RABGAP1: variants seen among roughly 807,000 people sequenced by gnomAD.
RABGAP1 encodes the protein RAB GTPase activating protein 1.
In RABGAP1, 23 loss-of-function variants were observed where a neutral mutation model predicts 137.6. That is an observed-to-expected ratio of 0.17 (90% confidence interval 0.12 to 0.24). RABGAP1 has a LOEUF of 0.24. RABGAP1 is among the 10% of genes least tolerant of loss of function. The pLI is 1.00. For missense variants in RABGAP1, 906 were observed against 1,275.8 expected (o/e 0.71, Z 4.42); for synonymous variants, 451 against 450.7 (o/e 1.00, Z -0.01).
At chr9:123,007,373 CTTTTTTTT>C (rs1298703088) in intron 10 of RABGAP1, among the ~76,000 whole-genome samples, 1 of 112,768 alleles carries the variant, frequency 8.9e-6, no homozygotes, top group Admixed American at 9.8e-5. Context: ...CTGAGCCTGG[CTTTTTTTT>C]TTTTTTTTTT....
chr9:122,996,162 T>C lies in RABGAP1; in HGVS notation c.1034+11T>C. 1 of 1,603,278 alleles carries C rather than the reference T, an allele frequency of 6.2e-7. No homozygotes were observed. The highest frequency in any genetic ancestry group is 8.5e-7 in the Non-Finnish European group (1 of 1,177,024). On this transcript the variant is annotated intron_variant, in intron 7 of 25. Coordinates refer to ENST00000373647, the MANE Select transcript of RABGAP1 (RefSeq NM_012197.4). ...ACTTGCCATTGAAAGGTAAGCATTTTTAGTAAGTTTAGCTTAAATATAAAT... is the reference window on the plus strand; with the variant it reads ...ACTTGCCATTGAAAGGTAAGCATTTCTAGTAAGTTTAGCTTAAATATAAAT...
intron 19 of RABGAP1, among the ~76,000 whole-genome samples, chr9:123,080,305 A>G (rs2034666347): frequency 6.6e-6 from 1 of 152,166 alleles, no homozygotes; most frequent in Non-Finnish European, 1.5e-5. Flanking sequence ...AGAACTTTGC[A>G]TGTTTGGGGT....
chr9:123,094,844 G>T (rs369253735), intron 21 of RABGAP1, among the ~76,000 whole-genome samples: 1 of 152,058 alleles, frequency 6.6e-6, no homozygotes, highest in Admixed American at 6.5e-5. Flanking sequence ...TTTTTCGTGT[G>T]TCTGTTGTTA....
Position 123,073,543 on chromosome 9 carries a change from C to A in RABGAP1, c.1984-9C>A, listed in dbSNP as rs1421720638. ...CCTCCCTACCCAACAACTTGCCTAT[C>A]TGTTACAGATGCCTGAAGAACAGGC... On this transcript the variant is annotated splice_polypyrimidine_tract_variant and intron_variant, in intron 15 of 25. Transcript: ENST00000373647. The A allele has an allele frequency of 3.7e-6, 6 of 1,610,324 alleles. No homozygotes were observed. Among genetic ancestry groups the A allele is most frequent in the Non-Finnish European group, 5.1e-6 (6 of 1,178,614 alleles).
chr9:122,991,832 G>A (rs150419169), intron 6 of RABGAP1, among the ~76,000 whole-genome samples: 13 of 151,848 alleles, frequency 8.6e-5, no homozygotes, highest in African/African-American at 2.4e-4. Context: ...TCTTGAACTC[G>A]TGGTCTCAAG....
chr9:123,029,503 G>C (rs577771791), intron 13 of RABGAP1: 1 of 980,968 alleles, frequency 1.0e-6, no homozygotes, highest in Non-Finnish European at 1.7e-6. Context: ...GGGCTGCCCT[G>C]GCCAGGGAAC....
chr9:123,076,540 GTAAAAGTGCT>G lies in RABGAP1; in HGVS notation c.2296-93_2296-84del. Reference sequence around the variant, plus strand: ...AGCTAAGAAGTATCTTCTGGGGATTGTAAAAGTGCTGAAAAGTGCTGAGAATATAAAAAAC... The same window carrying G: ...AGCTAAGAAGTATCTTCTGGGGATTGGAAAAGTGCTGAGAATATAAAAAAC... On this transcript the variant is annotated intron_variant, in intron 18 of 25. Transcript: ENST00000373647. 4.3e-6 allele frequency: 6 copies of G among 1,385,954 alleles called. No homozygotes were observed. The East Asian group carries it at 1.5e-4, about 34-fold the overall frequency. 85.9% of individuals were successfully genotyped at this position (1,385,954 alleles called of 1,614,324 possible).
At chr9:123,028,359 A>G (rs571029509) in intron 13 of RABGAP1, among the ~76,000 whole-genome samples, 10 of 152,352 alleles carry the variant, frequency 6.6e-5, no homozygotes, top group Admixed American at 6.5e-4. Context: ...TCTGCAGTCT[A>G]ATGAAGGAAA....
upstream of RABGAP1, among the ~76,000 whole-genome samples, chr9:122,937,301 C>T (rs114218175): frequency 0.01 from 1,552 of 152,258 alleles, 12 homozygotes; most frequent in East Asian, 0.034. Flanking sequence ...TGAAGTCGTT[C>T]GAAGAACTAA....
chr9:123,020,279 A>T, intron 12 of RABGAP1, 30 bp from the exon 13 acceptor site: 1 of 1,431,780 alleles, frequency 7.0e-7, no homozygotes, highest in Non-Finnish European at 9.3e-7. Context: ...TCTTCCTTTT[A>T]TGATTTATGG....
chr9:123,085,810 G>A (rs371720414), intron 19 of RABGAP1, among the ~76,000 whole-genome samples: 18 of 152,322 alleles, frequency 1.2e-4, no homozygotes, highest in East Asian at 3.9e-4. Flanking sequence ...GAGTTTGTAC[G>A]TTGGCACCTA....
intron 14 of RABGAP1, among the ~76,000 whole-genome samples, chr9:123,067,600 C>T (rs939595098): frequency 2.6e-5 from 4 of 152,180 alleles, no homozygotes; most frequent in African/African-American, 9.6e-5. Flanking sequence ...TCTCACTGTG[C>T]TCTGGTTGAT....
intron 19 of RABGAP1, among the ~76,000 whole-genome samples, chr9:123,079,003 A>G (rs2034611741): frequency 6.6e-6 from 1 of 152,118 alleles, no homozygotes; most frequent in Non-Finnish European, 1.5e-5. Flanking sequence ...GCATTCTTAA[A>G]TAATTGAGTT....
chr9:122,941,942 G>T (rs1015378186), intron 1 of RABGAP1, among the ~76,000 whole-genome samples: 4 of 152,262 alleles, frequency 2.6e-5, no homozygotes, highest in African/African-American at 7.2e-5. Context: ...TGATCATGCT[G>T]CTAGTGTTCC....
chr9:123,049,646 T>C (rs2132054574), intron 13 of RABGAP1, among the ~76,000 whole-genome samples: 1 of 152,334 alleles, frequency 6.6e-6, no homozygotes, highest in African/African-American at 2.4e-5. Flanking sequence ...AAATGTGATG[T>C]TCATAACATT....
chr9:122,994,766 T>C (rs1836930118), intron 6 of RABGAP1, among the ~76,000 whole-genome samples: 1 of 152,216 alleles, frequency 6.6e-6, no homozygotes, highest in African/African-American at 2.4e-5. Flanking sequence ...TGTTTACCTT[T>C]GAGAACAGTG....
chr9:122,989,053 T>C (rs920834904), intron 4 of RABGAP1, among the ~76,000 whole-genome samples: 1 of 148,776 alleles, frequency 6.7e-6, no homozygotes, highest in African/African-American at 2.4e-5. Flanking sequence ...CTTATTGATA[T>C]TGTTTATACC....
intron 2 of RABGAP1, among the ~76,000 whole-genome samples, chr9:122,958,505 A>C (rs913131549): frequency 5.3e-5 from 8 of 152,134 alleles, no homozygotes; most frequent in Admixed American, 1.3e-4. Flanking sequence ...GAATACTTGG[A>C]CACAGGATGG....
chr9:122,998,576 C>T (rs752366435), intron 9 of RABGAP1, 21 bp from the exon 10 acceptor site: 1 of 1,493,876 alleles, frequency 6.7e-7, no homozygotes, highest in Admixed American at 2.0e-5. Context: ...ACCTCTTCAG[C>T]CTCTCTCTTT....
Sources: allele counts gnomAD v4.1 joint callset (sites outside exome capture counted in the v4.1 genomes callset), GRCh38; gene constraint gnomAD v4.1.1; transcripts MANE v1.5; gene names NCBI Gene and HGNC (gene_info 2026-07-23, HGNC 2026-07-21).